The following FAM120B variants were observed in gnomAD, a reference collection of about 807,000 sequenced individuals.
FAM120B encodes family with sequence similarity 120 member B.
FAM120B carries 83 observed loss-of-function variants against 96.3 expected under a neutral mutation model. The observed-to-expected ratio is 0.86, with a 90% CI of 0.72 to 1.03. FAM120B has a LOEUF of 1.03. FAM120B is among the 50% of genes least tolerant of loss of function. The pLI, the probability that FAM120B is intolerant of heterozygous loss-of-function variation, is 0.00. For synonymous variants in FAM120B, 407 were observed against 402.7 expected (o/e 1.01, Z -0.13); for missense variants, 1,027 against 1,121.2 (o/e 0.92, Z 1.20).
intron 6 of FAM120B, among the ~76,000 whole-genome samples, chr6:170,361,224 A>ATATACG (rs1788404245): frequency 8.7e-6 from 1 of 115,078 alleles, no homozygotes; most frequent in South Asian, 3.0e-4. Flanking sequence ...ATATATATAT[A>ATATACG]TATATATATA....
intron 1 of FAM120B, among the ~76,000 whole-genome samples, chr6:170,316,058 CAAAAAAA>C (rs35344814): frequency 3.3e-5 from 3 of 91,834 alleles, no homozygotes; most frequent in African/African-American, 9.1e-5. Context: ...GACCCGGTCT[CAAAAAAA>C]AAAAAAAAAA....
chr6:170,317,139 CT>C (rs530165544), intron 1 of FAM120B, among the ~76,000 whole-genome samples: 8 of 152,228 alleles, frequency 5.3e-5, no homozygotes, highest in Non-Finnish European at 7.3e-5. Context: ...GACTGCTATA[CT>C]CTCTTGTCCT....
chr6:170,358,627 T>C (rs1427070038), intron 6 of FAM120B, among the ~76,000 whole-genome samples: 3 of 152,230 alleles, frequency 2.0e-5, no homozygotes, highest in Non-Finnish European at 2.9e-5. Context: ...ATTTCTGGTG[T>C]TAGCAGTTTT....
intron 6 of FAM120B, among the ~76,000 whole-genome samples, chr6:170,366,565 C>T (rs1469373777): frequency 1.3e-5 from 2 of 152,096 alleles, no homozygotes; most frequent in Non-Finnish European, 2.9e-5. Context: ...CCATGTCACC[C>T]ACAGGAGGGG....
chr6:170,398,071 G>C (rs1005288317), intron 9 of FAM120B, among the ~76,000 whole-genome samples: 7 of 152,260 alleles, frequency 4.6e-5, no homozygotes, highest in Admixed American at 2.0e-4. Context: ...GGGAGGATGG[G>C]AAAGAGGCTA....
At chr6:170,308,416 A>T (rs1784411163) in intron 1 of FAM120B, among the ~76,000 whole-genome samples, 1 of 152,066 alleles carries the variant, frequency 6.6e-6, no homozygotes, top group African/African-American at 2.4e-5. Context: ...TTCCAGACAT[A>T]CTGAAATCTC....
intron 4 of FAM120B, among the ~76,000 whole-genome samples, chr6:170,344,562 G>A (rs1583234790): frequency 6.6e-6 from 1 of 151,778 alleles, no homozygotes; most frequent in Non-Finnish European, 1.5e-5. Flanking sequence ...GTTGCCTGCG[G>A]TGCTAGCCTC....
Position 170,317,814 on chromosome 6 carries a change from C to A in FAM120B, c.424C>A (p.Arg142=). 6.2e-7 allele frequency: 1 copy of A among 1,614,176 alleles called. No individual in the cohort carries two copies. Among genetic ancestry groups the A allele is most frequent in the Non-Finnish European group, 8.5e-7 (1 of 1,180,032 alleles). ...CCCCTCAGGGCTAGCTGTGTTTACA[C>A]GATTTGCTCTAAAGACACTGGGCCA... is the stretch of plus-strand genomic sequence containing the variant. ...FIPSGLAVFT[R]FALKTLGQET... is the part of the protein sequence containing the mutation. The change falls in exon 2 of 11, where the codon CGA becomes AGA. Residue 142 remains arginine (R), a synonymous_variant. Transcript: ENST00000476287.
At chr6:170,341,055 C>T (rs1786788414) in intron 4 of FAM120B, among the ~76,000 whole-genome samples, 1 of 152,238 alleles carries the variant, frequency 6.6e-6, no homozygotes, top group Non-Finnish European at 1.5e-5. Context: ...CTGCTGCTCT[C>T]TGCAGAGCCG....
intron 1 of FAM120B, among the ~76,000 whole-genome samples, chr6:170,315,249 T>C (rs538819963): frequency 6.6e-6 from 1 of 152,348 alleles, no homozygotes; most frequent in Non-Finnish European, 1.5e-5. Flanking sequence ...CAGCAAACCA[T>C]GCAAGGCCTG....
rs10560646 is a variant in FAM120B at position 170,334,547 on chromosome 6, GGTGT to G, written c.2017+4021_2017+4024del. On this transcript the variant is annotated intron_variant, in intron 4 of 10. Coordinates refer to ENST00000476287, the MANE Select transcript of FAM120B (RefSeq NM_032448.3). ...TTTCTGTGAGTGGTAAAAGGAAGCT[GGTGT>G]GTGTGTGTGTGTGTGTGTGTGTGCA... is the stretch of plus-strand genomic sequence containing the variant. Among the ~76,000 whole-genome samples, 57 of 149,726 alleles carry G rather than the reference GGTGT, an allele frequency of 3.8e-4. No individual in the cohort carries two copies. The South Asian group carries it at 4.1e-3, about 11-fold the overall frequency.
At chr6:170,311,523 C>T (rs1159901646) in intron 1 of FAM120B, among the ~76,000 whole-genome samples, 1 of 152,344 alleles carries the variant, frequency 6.6e-6, no homozygotes, top group East Asian at 1.9e-4. Flanking sequence ...GTTGCTCATG[C>T]CTTCCTCTGG....
At chr6:170,292,492 C>T (rs1474898745), upstream of FAM120B, among the ~76,000 whole-genome samples, 2 of 152,156 alleles carry the variant, frequency 1.3e-5, no homozygotes, top group Non-Finnish European at 2.9e-5. This position sits in a 1 kb window ranked among gnomAD's most constrained non-coding sequence, Gnocchi z 6.6. Context: ...GTAGCTCAGC[C>T]CCAAGGAAGC....
intron 6 of FAM120B, among the ~76,000 whole-genome samples, chr6:170,367,111 A>G (rs933172862): frequency 2.6e-5 from 4 of 152,226 alleles, no homozygotes; most frequent in African/African-American, 9.6e-5. Flanking sequence ...TAGGTTAGCT[A>G]TAAAACTCAC....
Position 170,318,094 on chromosome 6 carries a change from C to T in FAM120B, c.704C>T (p.Pro235Leu), listed in dbSNP as rs1157156199. Residue 235 changes from proline (P) to leucine (L), a missense_variant, in exon 2 of 11, where the codon CCA (proline) becomes CTA (leucine). Pro to Leu is a moderately conservative substitution (Grantham distance 98). Coordinates refer to ENST00000476287, the MANE Select transcript of FAM120B (RefSeq NM_032448.3). Reference protein sequence around the residue: ...LACLLGNDIIPEGMFESFRYK... With the variant: ...LACLLGNDIILEGMFESFRYK... ...TGCCTCCTTGGCAACGACATAATCC[C>T]AGAGGGCATGTTTGAAAGCTTTAGG... The T allele has an allele frequency of 6.2e-7, 1 of 1,614,224 alleles. No homozygotes were observed. The highest frequency in any genetic ancestry group is 8.5e-7 in the Non-Finnish European group (1 of 1,180,044).
At chr6:170,326,962 C>G (rs1030975375) in intron 3 of FAM120B, among the ~76,000 whole-genome samples, 1 of 152,084 alleles carries the variant, frequency 6.6e-6, no homozygotes, top group Non-Finnish European at 1.5e-5. Context: ...CTAGGCTGGT[C>G]TCAAACTCCT....
intron 6 of FAM120B, among the ~76,000 whole-genome samples, chr6:170,379,831 A>G (rs987461258): frequency 1.3e-5 from 2 of 152,244 alleles, no homozygotes; most frequent in African/African-American, 4.8e-5. Flanking sequence ...AAATTAACCT[A>G]TCCATCACCT....
intron 4 of FAM120B, among the ~76,000 whole-genome samples, chr6:170,336,222 G>A (rs1037032965): frequency 2.0e-5 from 3 of 152,118 alleles, no homozygotes; most frequent in African/African-American, 7.2e-5. Flanking sequence ...GTTAATTTTT[G>A]TATAAGGTAT....
At chr6:170,351,748 T>C (rs1787596362) in intron 5 of FAM120B, among the ~76,000 whole-genome samples, 1 of 152,212 alleles carries the variant, frequency 6.6e-6, no homozygotes, top group Non-Finnish European at 1.5e-5. Flanking sequence ...CTTAGGGAAT[T>C]TGTCACCAAC....
Sources: gnomAD v4.1 joint callset for allele counts (sites outside exome capture counted in the v4.1 genomes callset) on GRCh38, gnomAD v4.1.1 for gene constraint, Gnocchi (gnomAD v3.1) non-coding constraint, MANE v1.5 for transcripts, NCBI Gene and HGNC (gene_info 2026-07-23, HGNC 2026-07-21) for gene names.